The following BBOX1 variants were observed in gnomAD, a reference collection of about 807,000 sequenced individuals.
BBOX1 encodes the protein gamma-butyrobetaine hydroxylase 1.
Under a neutral mutation model 41.6 loss-of-function variants are expected in BBOX1, and 35 were observed. The observed-to-expected ratio is 0.84, with a 90% confidence interval of 0.64 to 1.11. The LOEUF is 1.11. BBOX1 is among the 50% of genes most tolerant of loss of function. The pLI is 0.00. For missense variants in BBOX1, 458 were observed against 460.6 expected (o/e 0.99, Z 0.05); for synonymous variants, 163 against 154.7 (o/e 1.05, Z -0.40).
At chr11:27,126,365 AG>A (rs1323741392) in intron 8 of BBOX1, among the ~76,000 whole-genome samples, 65 of 152,354 alleles carry the variant, frequency 4.3e-4, no homozygotes, top group African/African-American at 1.5e-3. Flanking sequence ...ATGCAGTCAC[AG>A]CAGGTTAATT....
At chr11:27,109,319 A>T (rs2134080991) in intron 5 of BBOX1, among the ~76,000 whole-genome samples, 1 of 152,180 alleles carries the variant, frequency 6.6e-6, no homozygotes, top group African/African-American at 2.4e-5. Flanking sequence ...CTTATTTGTT[A>T]CAAGTTTTTG....
Position 27,115,473 on chromosome 11 carries a change from C to T in BBOX1, c.555C>T (p.Asp185=). 6.2e-7 allele frequency: 1 copy of T among 1,610,092 alleles called. No homozygotes were observed. The highest frequency in any genetic ancestry group is 2.2e-5 in the East Asian group (1 of 44,692). ...TFYGHTWQVQ[D]KIDANNVAYT... Reference sequence around the variant, plus strand: ...ACAGACATACTTGGCAAGTGCAAGACAAAATCGATGCAAACAATGTGGCTT... The same window carrying T: ...ACAGACATACTTGGCAAGTGCAAGATAAAATCGATGCAAACAATGTGGCTT... The change falls in exon 6 of 9, where the codon GAC becomes GAT. Residue 185 remains aspartate, a synonymous_variant. Coordinates refer to ENST00000263182, the MANE Select transcript of BBOX1 (RefSeq NM_003986.3).
chr11:27,104,264 T>C (rs963468604), intron 5 of BBOX1, among the ~76,000 whole-genome samples: 1 of 152,150 alleles, frequency 6.6e-6, no homozygotes, highest in Admixed American at 6.5e-5. Flanking sequence ...AAACACCTGT[T>C]AGTGATTTGG....
rs576894991 is a variant in BBOX1, at chr11:27,112,009, C to T, written c.534-3443C>T. Among the ~76,000 whole-genome samples, 16 of 152,044 alleles carry T rather than the reference C, an allele frequency of 1.1e-4. No homozygotes were observed. In the South Asian group the frequency reaches 3.3e-3, roughly 31 times the overall value. On this transcript the variant is annotated intron_variant, in intron 5 of 8. Coordinates refer to ENST00000263182, the MANE Select transcript of BBOX1 (RefSeq NM_003986.3). ...CGTTATGTGTCTGGCAATACAAGAA[C>T]ATAATGCCATCTGTGGCTTTGCCAA...
intron 5 of BBOX1, among the ~76,000 whole-genome samples, chr11:27,104,121 T>A (rs949730079): frequency 2.0e-5 from 3 of 152,178 alleles, no homozygotes; most frequent in Non-Finnish European, 4.4e-5. Flanking sequence ...ATCTGGTTTG[T>A]TTCTAGAATT....
intron 7 of BBOX1, 109 bp from the exon 8 acceptor site, chr11:27,125,545 G>A: frequency 8.2e-6 from 8 of 975,000 alleles, no homozygotes; most frequent in Non-Finnish European, 1.2e-5. Context: ...CATGTATTTG[G>A]ATTTTTTAAT....
At chr11:27,065,109 T>C (rs1392399051) in intron 4 of BBOX1, among the ~76,000 whole-genome samples, 1 of 152,128 alleles carries the variant, frequency 6.6e-6, no homozygotes, top group Non-Finnish European at 1.5e-5. Context: ...ATAAATTAAA[T>C]ATCTCTCAAA....
At chr11:27,107,890 A>T (rs1393295029) in intron 5 of BBOX1, among the ~76,000 whole-genome samples, 2 of 152,092 alleles carry the variant, frequency 1.3e-5, no homozygotes, top group Non-Finnish European at 2.9e-5. Flanking sequence ...TGTCCTCAAC[A>T]ATAAGTAGCA....
intron 2 of BBOX1, among the ~76,000 whole-genome samples, chr11:27,053,944 A>C (rs1233541354): frequency 6.6e-6 from 1 of 152,204 alleles, no homozygotes; most frequent in Non-Finnish European, 1.5e-5. Context: ...AAAGGGACAA[A>C]GCAATATTTT....
At chr11:27,083,000 A>G (rs76965933) in intron 4 of BBOX1, among the ~76,000 whole-genome samples, 1,863 of 152,238 alleles carry the variant, frequency 0.012, 25 homozygotes, top group Non-Finnish European at 0.019. Flanking sequence ...TAACAGTCCA[A>G]CATGAAAATG....
chr11:27,123,285 T>C (rs1859530424), intron 7 of BBOX1, among the ~76,000 whole-genome samples: 1 of 152,154 alleles, frequency 6.6e-6, no homozygotes, highest in Admixed American at 6.5e-5. Flanking sequence ...TAATCTAGTA[T>C]ACCATGAGGC....
Position 27,127,545 on chromosome 11 carries a change from A to G in BBOX1, c.*92A>G. ...ACAGACCATGATCTTTGTGATTTAC[A>G]TATAATTTCCTTAACAATGAACATG... is the stretch of plus-strand genomic sequence containing the variant. On this transcript the variant is annotated 3_prime_UTR_variant, in exon 9 of 9. Coordinates refer to ENST00000263182, the MANE Select transcript of BBOX1 (RefSeq NM_003986.3). 4 of 1,395,800 alleles carry G rather than the reference A, an allele frequency of 2.9e-6. No homozygotes were observed. The highest frequency in any genetic ancestry group is 1.4e-5 in the South Asian group (1 of 69,856). The allele number at this position is 1,395,800 out of a possible 1,614,324, so 86.5% of individuals were successfully genotyped here. A position where few individuals can be genotyped will look rare whatever the true frequency, so the allele number is the denominator to read the frequency against.
intron 4 of BBOX1, among the ~76,000 whole-genome samples, chr11:27,069,760 G>T (rs533855347): frequency 6.6e-6 from 1 of 152,010 alleles, no homozygotes; most frequent in South Asian, 2.1e-4. Flanking sequence ...GTTGGCTGAT[G>T]GTTTGTTATA....
chr11:27,043,396 G>T (rs1436628311), intron 2 of BBOX1, among the ~76,000 whole-genome samples: 3 of 151,708 alleles, frequency 2.0e-5, no homozygotes, highest in Non-Finnish European at 4.4e-5. Context: ...TTAAGTGCTG[G>T]GGTACATGTG....
chr11:27,114,203 A>G (rs2134092169), intron 5 of BBOX1, among the ~76,000 whole-genome samples: 1 of 152,010 alleles, frequency 6.6e-6, no homozygotes, highest in Non-Finnish European at 1.5e-5. Context: ...CAGGGGTAAA[A>G]GACTTTTATA....
chr11:27,097,102 A>AAAC (rs1858466629), intron 5 of BBOX1, among the ~76,000 whole-genome samples: 6 of 152,054 alleles, frequency 3.9e-5, no homozygotes, highest in African/African-American at 1.4e-4. Flanking sequence ...AATTTTGTCA[A>AAAC]ATACATGTAA....
chr11:27,086,082 T>A (rs1858028531), intron 4 of BBOX1, among the ~76,000 whole-genome samples: 1 of 152,060 alleles, frequency 6.6e-6, no homozygotes, highest in Admixed American at 6.6e-5. Flanking sequence ...AGGAAAGAAG[T>A]TTTCTTTATA....
At position 27,115,499 on chromosome 11, in the gene BBOX1, A is replaced by T. The variant is rs1000788283; in HGVS notation, c.581A>T (p.Tyr194Phe). Residue 194 changes from tyrosine (Y) to phenylalanine (F), a missense_variant, in exon 6 of 9, where the codon TAC becomes TTC. Transcript: ENST00000263182. The stretch of plus-strand genomic sequence containing the variant: ...AAAATCGATGCAAACAATGTGGCTT[A>T]CACAACTGGGAAGCTAAGCTTTCAC... ...QDKIDANNVA[Y>F]TTGKLSFHTD... is the part of the protein sequence containing the mutation. The T allele has an allele frequency of 4.3e-6, 7 of 1,611,286 alleles. No homozygotes were observed. In the African/African-American group the frequency reaches 6.7e-5, roughly 15 times the overall value.
chr11:27,127,298 G>A lies in BBOX1; in HGVS notation c.1009G>A (p.Val337Met). The change falls in exon 9 of 9, where the codon GTG becomes ATG. Residue 337 changes from valine to methionine, a missense_variant. Transcript: ENST00000263182. ...KFTFKMNPGD[V>M]ITFDNWRLLH... ...GGAAAAAATCTTTTCTTTAGGTGAT[G>A]TGATTACTTTTGATAACTGGCGCTT... 1.2e-6 allele frequency: 2 copies of A among 1,613,462 alleles called. No individual in the cohort carries two copies. Among genetic ancestry groups the A allele is most frequent in the Non-Finnish European group, 8.5e-7 (1 of 1,179,860 alleles).
Sources: allele counts gnomAD v4.1 joint callset (sites outside exome capture counted in the v4.1 genomes callset), GRCh38; gene constraint gnomAD v4.1.1; transcripts MANE v1.5; gene names NCBI Gene and HGNC (gene_info 2026-07-23, HGNC 2026-07-21).